CAMTA1: variants seen among roughly 807,000 people sequenced by gnomAD.
CAMTA1 encodes calmodulin binding transcription activator 1.
Under a neutral mutation model 170.9 loss-of-function variants are expected in CAMTA1, and 27 were observed. The ratio of observed to expected loss-of-function variants is 0.16; its 90% CI spans 0.12 to 0.22. CAMTA1 has a LOEUF of 0.22. CAMTA1 is among the 10% of genes least tolerant of loss of function. CAMTA1 has a pLI of 1.00. For synonymous variants in CAMTA1, 833 were observed against 891.5 expected (o/e 0.93, Z 1.17); for missense variants, 1,619 against 2,217.2 (o/e 0.73, Z 5.42).
At chr1:7,375,676 C>T (rs1033997431) in intron 5 of CAMTA1, among the ~76,000 whole-genome samples, 5 of 152,204 alleles carry the variant, frequency 3.3e-5, no homozygotes, top group Non-Finnish European at 7.3e-5. Context: ...GACCTGTGTC[C>T]CCATGGTTAC....
chr1:7,274,443 CA>C (rs1360730548), intron 5 of CAMTA1, among the ~76,000 whole-genome samples: 1 of 152,104 alleles, frequency 6.6e-6, no homozygotes, highest in Non-Finnish European at 1.5e-5. Context: ...TACACAGCTT[CA>C]AAATACATGC....
intron 3 of CAMTA1, among the ~76,000 whole-genome samples, chr1:6,879,568 G>A (rs1670868681): frequency 6.6e-6 from 1 of 150,928 alleles, no homozygotes; most frequent in African/African-American, 2.4e-5. Context: ...TAACCTTTGA[G>A]TATACAACAC....
chr1:6,935,680 C>T (rs1571858423), intron 3 of CAMTA1, among the ~76,000 whole-genome samples: 1 of 152,338 alleles, frequency 6.6e-6, no homozygotes, highest in East Asian at 1.9e-4. Flanking sequence ...GTAAAGAAAA[C>T]ATTTGCAAAA....
intron 5 of CAMTA1, among the ~76,000 whole-genome samples, chr1:7,460,543 C>T (rs1215742377): frequency 6.6e-6 from 1 of 152,026 alleles, no homozygotes; most frequent in African/African-American, 2.4e-5. Flanking sequence ...CTTGGATGTC[C>T]AAGCTACGGC....
chr1:7,553,415 G>A (rs962227576), intron 6 of CAMTA1, among the ~76,000 whole-genome samples: 5 of 152,252 alleles, frequency 3.3e-5, no homozygotes, highest in African/African-American at 1.2e-4. Context: ...GCCATCAGCT[G>A]TGTATTGAGT....
chr1:7,412,990 C>A (rs1052882375), intron 5 of CAMTA1, among the ~76,000 whole-genome samples: 5 of 151,984 alleles, frequency 3.3e-5, no homozygotes, highest in African/African-American at 1.2e-4. Context: ...CCAGTTTTCC[C>A]AGCACCATTT....
intron 3 of CAMTA1, among the ~76,000 whole-genome samples, chr1:7,086,667 C>T (rs1427901767): frequency 6.6e-6 from 1 of 152,226 alleles, no homozygotes; most frequent in Non-Finnish European, 1.5e-5. Flanking sequence ...CCATGCAACA[C>T]AGGGCCTTCC....
intron 6 of CAMTA1, among the ~76,000 whole-genome samples, chr1:7,552,429 G>A (rs557406052): frequency 6.6e-6 from 1 of 152,334 alleles, no homozygotes; most frequent in African/African-American, 2.4e-5. Context: ...TGGGAACAGT[G>A]GATGTGCCTG....
At chr1:7,114,666 A>G (rs1398688503) in intron 4 of CAMTA1, among the ~76,000 whole-genome samples, 3 of 152,148 alleles carry the variant, frequency 2.0e-5, no homozygotes, top group Non-Finnish European at 4.4e-5. Flanking sequence ...CAAGGTGGAG[A>G]CCCAGGAGAG....
chr1:7,403,183 TC>T (rs1206164823), intron 5 of CAMTA1, among the ~76,000 whole-genome samples: 1 of 151,916 alleles, frequency 6.6e-6, no homozygotes, highest in Non-Finnish European at 1.5e-5. Flanking sequence ...CAAAACCCCG[TC>T]TCTACTAAAA....
In CAMTA1 at chr1:7,592,890, T is replaced by C. The variant is rs2095366070; in HGVS notation, c.511-47510T>C. 6.6e-6 allele frequency among the ~76,000 whole-genome samples: 1 copy of C among 152,156 alleles called. No individual in the cohort carries two copies. The highest frequency in any genetic ancestry group is 2.4e-5 in the African/African-American group (1 of 41,436). On this transcript the variant is annotated intron_variant, in intron 6 of 22. Coordinates refer to ENST00000303635, the MANE Select transcript of CAMTA1 (RefSeq NM_015215.4). The surrounding 1 kb of genome is among the most constrained non-coding windows in gnomAD (Gnocchi z 4.6). ...GATCAGGCATCATGACCTCATGAAA[T>C]GCAATATTGCATTAAACCTCAGCAG...
At chr1:6,829,871 C>T (rs1466611355) in intron 3 of CAMTA1, among the ~76,000 whole-genome samples, 1 of 152,044 alleles carries the variant, frequency 6.6e-6, no homozygotes, top group Non-Finnish European at 1.5e-5. Flanking sequence ...TTGGCTTCTT[C>T]ATCTGATTTT....
Position 7,627,086 on chromosome 1 carries a change from G to A in CAMTA1, c.511-13314G>A, listed in dbSNP as rs146078689. ...ATCCAATGTGGCAGGATGTGGATGGGGTGTCTGTCTCTTTAATTCATGGAG... is the reference window on the plus strand; with the variant it reads ...ATCCAATGTGGCAGGATGTGGATGGAGTGTCTGTCTCTTTAATTCATGGAG... On this transcript the variant is annotated intron_variant, in intron 6 of 22. Coordinates refer to ENST00000303635, the MANE Select transcript of CAMTA1 (RefSeq NM_015215.4). Among the ~76,000 whole-genome samples, 404 of 152,198 alleles carry A rather than the reference G, an allele frequency of 2.7e-3. 1 individual carries two copies. Among genetic ancestry groups the A allele is most frequent in the South Asian group, 0.021 (99 of 4,814 alleles).
chr1:6,982,343 A>T (rs1478453143), intron 3 of CAMTA1, among the ~76,000 whole-genome samples: 1 of 152,180 alleles, frequency 6.6e-6, no homozygotes, highest in Admixed American at 6.5e-5. Flanking sequence ...AGAGCTCCCA[A>T]GCTGTGCCCA....
At chr1:7,607,483 A>T (rs376872871) in intron 6 of CAMTA1, among the ~76,000 whole-genome samples, 1 of 151,450 alleles carries the variant, frequency 6.6e-6, no homozygotes, top group Admixed American at 6.6e-5. Flanking sequence ...GGATGGATGG[A>T]TAGATGGATA....
At chr1:7,759,776 T>C (rs986556520) in intron 22 of CAMTA1, among the ~76,000 whole-genome samples, 2 of 152,220 alleles carry the variant, frequency 1.3e-5, no homozygotes, top group Non-Finnish European at 2.9e-5. Flanking sequence ...GTAGTTCAGT[T>C]ACATAACAGA....
At chr1:7,716,007 A>G (rs937911972) in intron 11 of CAMTA1, among the ~76,000 whole-genome samples, 6 of 152,198 alleles carry the variant, frequency 3.9e-5, no homozygotes, top group Admixed American at 6.5e-5. Context: ...AGAAGGGTCT[A>G]TGATGAATTA....
chr1:7,375,491 T>G (rs979757002), intron 5 of CAMTA1, among the ~76,000 whole-genome samples: 3 of 152,176 alleles, frequency 2.0e-5, no homozygotes, highest in Non-Finnish European at 4.4e-5. Flanking sequence ...ACTGGGGGAC[T>G]GAGGCGGACG....
chr1:7,441,487 G>A (rs1015128696), intron 5 of CAMTA1: 3 of 152,320 alleles, frequency 2.0e-5, no homozygotes, highest in Admixed American at 1.3e-4. Flanking sequence ...TAAGAGAAGT[G>A]AAAATGCAGA....
Sources: gnomAD v4.1 joint callset for allele counts (sites outside exome capture counted in the v4.1 genomes callset) on GRCh38, gnomAD v4.1.1 for gene constraint, Gnocchi (gnomAD v3.1) non-coding constraint, MANE v1.5 for transcripts, NCBI Gene and HGNC (gene_info 2026-07-23, HGNC 2026-07-21) for gene names.